Variants in KAT6B observed in about 807,000 individuals in gnomAD.
The protein encoded by KAT6B is histone acetyltransferase KAT6B.
Under a neutral mutation model 187.5 loss-of-function variants are expected in KAT6B, and 10 were observed. That is an observed-to-expected ratio of 0.05 (90% confidence interval 0.03 to 0.09). The LOEUF (loss-of-function observed/expected upper bound fraction) is 0.09, where lower values mean the gene tolerates loss of function less well. Ranked by LOEUF, KAT6B falls within the 10% of genes least tolerant of loss-of-function variation. KAT6B has a pLI of 1.00. For synonymous variants in KAT6B, 861 were observed against 926.8 expected (o/e 0.93, Z 1.29); for missense variants, 1,952 against 2,558.9 (o/e 0.76, Z 5.12).
At chr10:74,976,607 CT>C in intron 8 of KAT6B, 2 of 497,518 alleles carry the variant, frequency 4.0e-6, no homozygotes, top group Non-Finnish European at 7.3e-6. Flanking sequence ...CATAGCATTG[CT>C]TATGGCTTTG....
chr10:74,889,810 G>A (rs764294350), intron 3 of KAT6B, among the ~76,000 whole-genome samples: 1 of 152,216 alleles, frequency 6.6e-6, no homozygotes, highest in Admixed American at 6.5e-5. Flanking sequence ...CTTGGATCCT[G>A]TGTAAACAGG....
intron 3 of KAT6B, among the ~76,000 whole-genome samples, chr10:74,847,168 C>G (rs888289659): frequency 1.3e-5 from 2 of 152,136 alleles, no homozygotes; most frequent in Admixed American, 6.6e-5. Context: ...TGTTACTGCT[C>G]TTTTTATGAT....
intron 3 of KAT6B, 36 bp downstream of exon 3, chr10:74,843,514 C>T: frequency 6.2e-7 from 1 of 1,610,858 alleles, no homozygotes. Flanking sequence ...ATTCTCACTA[C>T]TGTCCTTTTG....
At chr10:74,857,751 A>G (rs1320051931) in intron 3 of KAT6B, among the ~76,000 whole-genome samples, 14 of 152,188 alleles carry the variant, frequency 9.2e-5, no homozygotes, top group Non-Finnish European at 1.5e-4. Flanking sequence ...AGGTGCAGGT[A>G]GCTCACATCT....
chr10:74,834,615 C>T (rs1000949320), intron 1 of KAT6B, among the ~76,000 whole-genome samples: 4 of 152,132 alleles, frequency 2.6e-5, no homozygotes, highest in Admixed American at 6.5e-5. Flanking sequence ...ACCTCCTGGG[C>T]GGCTCAAGAG....
At chr10:75,021,101 C>T in intron 14 of KAT6B, 25 bp from the exon 15 acceptor site, 1 of 1,610,094 alleles carries the variant, frequency 6.2e-7, no homozygotes, top group Non-Finnish European at 8.5e-7. Flanking sequence ...GTGATTACAT[C>T]TTGTTCTGCC....
chr10:74,869,394 T>G (rs1369608533), intron 3 of KAT6B, among the ~76,000 whole-genome samples: 1 of 152,132 alleles, frequency 6.6e-6, no homozygotes, highest in African/African-American at 2.4e-5. Flanking sequence ...GTCTCCTGAG[T>G]TCAGGTGATT....
In KAT6B at chr10:74,985,207, A is replaced by G; in HGVS notation, c.2501A>G (p.Glu834Gly). 6.2e-7 allele frequency: 1 copy of G among 1,614,150 alleles called. No individual in the cohort carries two copies. Among genetic ancestry groups the G allele is most frequent in the Non-Finnish European group, 8.5e-7 (1 of 1,180,006 alleles). The change falls in exon 12 of 18, where the codon GAA (glutamate) becomes GGA (glycine). Residue 834 changes from glutamate to glycine, a missense_variant. Physicochemically the swap from Glu to Gly is moderately conservative, Grantham distance 98. Transcript: ENST00000287239. The stretch of plus-strand genomic sequence containing the variant: ...TTTTATGTCCTTACAAAAAATGATG[A>G]AAAGGGCTGTCATCTGGTTGGATAC... ...FLFYVLTKNDEKGCHLVGYFS... is the reference protein window; with the variant it reads ...FLFYVLTKNDGKGCHLVGYFS...
rs544279559 is a variant in KAT6B, at chr10:74,947,077, A to G, written c.622-12893A>G. ...TTCAGTGGCACGATCTTGGCTCACT[A>G]CAACCTCCACCCCCTGAGTTCAAGC... On this transcript the variant is annotated intron_variant, in intron 3 of 17. Transcript: ENST00000287239. Among the ~76,000 whole-genome samples, 3 of 152,148 alleles carry G rather than the reference A, an allele frequency of 2.0e-5. No individual in the cohort carries two copies. The East Asian group carries it at 5.8e-4, about 29-fold the overall frequency.
chr10:75,025,482 A>G (rs545543188), intron 17 of KAT6B: 25 of 472,284 alleles, frequency 5.3e-5, no homozygotes, highest in Non-Finnish European at 8.8e-5. Context: ...AGGTGGGTTC[A>G]TCTTACTTAC....
chr10:74,987,420 A>G (rs752309543), intron 12 of KAT6B, among the ~76,000 whole-genome samples: 1 of 151,270 alleles, frequency 6.6e-6, no homozygotes, highest in Non-Finnish European at 1.5e-5. Context: ...CAACAGCAAG[A>G]CTCCATCTCA....
intron 10 of KAT6B, among the ~76,000 whole-genome samples, chr10:74,981,143 G>A (rs1362392717): frequency 6.6e-6 from 1 of 152,114 alleles, no homozygotes; most frequent in Non-Finnish European, 1.5e-5. Context: ...TTTTAGGGTG[G>A]TGGTTCCACA....
chr10:74,977,634 G>C (rs1370366625), intron 9 of KAT6B, among the ~76,000 whole-genome samples, 197 bp downstream of exon 9: 4 of 152,160 alleles, frequency 2.6e-5, no homozygotes, highest in Non-Finnish European at 5.9e-5. Flanking sequence ...CTTAAAAGTA[G>C]GTATGGACTC....
intron 3 of KAT6B, among the ~76,000 whole-genome samples, chr10:74,895,280 G>A (rs1055047822): frequency 2.0e-5 from 3 of 151,422 alleles, no homozygotes; most frequent in Admixed American, 6.6e-5. Context: ...TATATATTCC[G>A]GGTATTAATG....
chr10:74,911,220 C>T (rs1847179309), intron 3 of KAT6B, among the ~76,000 whole-genome samples: 1 of 151,652 alleles, frequency 6.6e-6, no homozygotes, highest in South Asian at 2.1e-4. Context: ...ATTTATTGAA[C>T]ATAGTTTTCA....
intron 3 of KAT6B, among the ~76,000 whole-genome samples, chr10:74,847,805 T>C (rs150493081): frequency 2.2e-3 from 338 of 152,158 alleles, no homozygotes; most frequent in African/African-American, 7.8e-3. Context: ...TTAATAGAAA[T>C]TCTTAGCCCG....
intron 3 of KAT6B, among the ~76,000 whole-genome samples, chr10:74,938,670 A>G (rs750602332): frequency 5.3e-5 from 8 of 152,318 alleles, no homozygotes; most frequent in East Asian, 1.9e-4. Context: ...GTAATTTCCA[A>G]TGATCTGTCA....
chr10:74,916,432 G>A (rs1168910091), intron 3 of KAT6B, among the ~76,000 whole-genome samples: 1 of 152,184 alleles, frequency 6.6e-6, no homozygotes, highest in Admixed American at 6.5e-5. Flanking sequence ...AGTGCCTTCT[G>A]TAGAGCTTAG....
chr10:74,926,798 C>G (rs1231029982), intron 3 of KAT6B, among the ~76,000 whole-genome samples: 1 of 152,176 alleles, frequency 6.6e-6, no homozygotes, highest in Non-Finnish European at 1.5e-5. Flanking sequence ...TGAATGTATC[C>G]ATTTAATAAG....
Sources: allele counts gnomAD v4.1 joint callset (sites outside exome capture counted in the v4.1 genomes callset), GRCh38; gene constraint gnomAD v4.1.1; transcripts MANE v1.5; gene names NCBI Gene and HGNC (gene_info 2026-07-23, HGNC 2026-07-21).